Variants in C1orf141 observed in about 807,000 individuals in gnomAD.
C1orf141 encodes chromosome 1 open reading frame 141.
Under a neutral mutation model 23.2 loss-of-function variants are expected in C1orf141, and 19 were observed. The observed-to-expected ratio is 0.82, with a 90% CI of 0.57 to 1.20. The LOEUF (loss-of-function observed/expected upper bound fraction) is 1.20. Among genes scored for constraint, C1orf141 ranks in the 50% most tolerant of loss-of-function variants. C1orf141 has a pLI of 0.00. For missense variants in C1orf141, 469 were observed against 455.1 expected, an observed-to-expected ratio of 1.03 and a Z score of -0.28; for synonymous variants, 153 against 154.6, an observed-to-expected ratio of 0.99 and a Z score of 0.08.
intron 5 of C1orf141, chr1:67,103,172 C>T (rs547951682): frequency 2.2e-4 from 187 of 832,748 alleles, no homozygotes; most frequent in Admixed American, 1.5e-3. Context: ...TTTCTTAATG[C>T]TTACACACTA....
intron 5 of C1orf141, among the ~76,000 whole-genome samples, chr1:67,110,934 A>G (rs947355839): frequency 6.7e-6 from 1 of 148,768 alleles, no homozygotes; most frequent in Non-Finnish European, 1.5e-5. Flanking sequence ...TTATATATAT[A>G]TAAAATACAA....
chr1:67,137,217 AC>A (rs1487837461), upstream of C1orf141, among the ~76,000 whole-genome samples: 1 of 152,216 alleles, frequency 6.6e-6, no homozygotes, highest in East Asian at 1.9e-4. Flanking sequence ...AGAAAGACTC[AC>A]AGACCTTACT....
At chr1:67,094,970 T>A (rs1359368908) in intron 7 of C1orf141, 2 of 322,080 alleles carry the variant, frequency 6.2e-6, no homozygotes, top group Non-Finnish European at 1.1e-5. Flanking sequence ...ATTCTTTTTA[T>A]TCTACAGTTC....
rs1294153744 is a variant in C1orf141, at chr1:67,125,883, T to C, written c.102A>G (p.Arg34=). Residue 34 remains arginine, a synonymous_variant, in exon 4 of 8, where the codon AGA becomes AGG. Coordinates refer to ENST00000684719, the MANE Select transcript of C1orf141 (RefSeq NM_001276351.2). ...TCAGGGGTATAGCCATAGTTGTTTT[T>C]CTTCCTTCACTCTGAAGCCTGTTTA... The part of the protein sequence containing the change: ...TKINRLQSEG[R]KTTMAIPLTF... 2.4e-5 allele frequency: 39 copies of C among 1,613,260 alleles called. No homozygotes were observed. The highest frequency in any genetic ancestry group is 3.3e-5 in the Non-Finnish European group (39 of 1,179,868).
At chr1:67,107,421 A>G (rs1322486925) in intron 5 of C1orf141, among the ~76,000 whole-genome samples, 1 of 152,220 alleles carries the variant, frequency 6.6e-6, no homozygotes, top group Non-Finnish European at 1.5e-5. Flanking sequence ...AATAAAATAA[A>G]CATTTCAATG....
intron 4 of C1orf141, among the ~76,000 whole-genome samples, chr1:67,118,654 A>T (rs909120656): frequency 6.6e-6 from 1 of 152,170 alleles, no homozygotes; most frequent in African/African-American, 2.4e-5. Flanking sequence ...CTCTAACGTT[A>T]TGGTATTTGG....
intron 2 of C1orf141, among the ~76,000 whole-genome samples, chr1:67,129,993 T>G (rs563070022): frequency 9.8e-5 from 15 of 152,354 alleles, no homozygotes; most frequent in Non-Finnish European, 1.9e-4. Flanking sequence ...AGTCTCTATA[T>G]TTTATTTGAC....
chr1:67,095,201 A>G (rs1477134518), intron 7 of C1orf141, 34 bp downstream of exon 7: 5 of 1,235,036 alleles, frequency 4.0e-6, no homozygotes, highest in Non-Finnish European at 5.7e-6. Context: ...ATGACTACAC[A>G]TATTTACTTA....
chr1:67,103,373 C>A (rs781262494), intron 5 of C1orf141: 2 of 1,381,236 alleles, frequency 1.4e-6, no homozygotes, highest in South Asian at 1.9e-5. Flanking sequence ...AAAGGCCCTG[C>A]ATTTTCCATC....
chr1:67,100,181 AATTT>A (rs1249191507), intron 5 of C1orf141, among the ~76,000 whole-genome samples: 5 of 151,996 alleles, frequency 3.3e-5, no homozygotes, highest in African/African-American at 1.2e-4. Context: ...CCTTTTAGTC[AATTT>A]ATTTGATTTG....
upstream of C1orf141, among the ~76,000 whole-genome samples, chr1:67,135,678 C>T (rs182753143): frequency 3.3e-4 from 50 of 152,120 alleles, no homozygotes; most frequent in East Asian, 8.9e-3. Context: ...CTAAAAATGA[C>T]TGACTTGAAA....
intron 2 of C1orf141, among the ~76,000 whole-genome samples, chr1:67,127,875 T>C (rs557022583): frequency 1.1e-4 from 17 of 152,264 alleles, no homozygotes; most frequent in African/African-American, 4.1e-4. Context: ...CCTCAAGTGA[T>C]CCGCCTGTCT....
intron 4 of C1orf141, among the ~76,000 whole-genome samples, chr1:67,115,810 G>A (rs1253527422): frequency 6.6e-6 from 1 of 152,148 alleles, no homozygotes; most frequent in Non-Finnish European, 1.5e-5. Context: ...TCAAAGTGGT[G>A]GGACATAGAG....
intron 4 of C1orf141, among the ~76,000 whole-genome samples, chr1:67,118,609 G>T (rs1426552696): frequency 6.6e-6 from 1 of 152,164 alleles, no homozygotes; most frequent in African/African-American, 2.4e-5. Flanking sequence ...CTGAATGTTT[G>T]TATCCCCCTC....
At chr1:67,140,290 A>G (rs1646624571) in intron 1 of C1orf141, among the ~76,000 whole-genome samples, 1 of 151,984 alleles carries the variant, frequency 6.6e-6, no homozygotes, top group East Asian at 1.9e-4. Context: ...CTGTATGTCA[A>G]AAAAAGTCAT....
intron 5 of C1orf141, among the ~76,000 whole-genome samples, chr1:67,101,649 T>A (rs978262175): frequency 2.6e-5 from 4 of 152,134 alleles, no homozygotes; most frequent in Non-Finnish European, 4.4e-5. Context: ...TTCTTTGAGT[T>A]AGGGATAAAA....
chr1:67,112,505 T>C (rs554559764), intron 5 of C1orf141, among the ~76,000 whole-genome samples: 215 of 152,078 alleles, frequency 1.4e-3, no homozygotes, highest in African/African-American at 5.0e-3. Flanking sequence ...AGTTTGAGAC[T>C]AGCCTGGGCA....
chr1:67,107,403 T>C (rs1645953757), intron 5 of C1orf141, among the ~76,000 whole-genome samples: 1 of 152,128 alleles, frequency 6.6e-6, no homozygotes, highest in African/African-American at 2.4e-5. Flanking sequence ...CCAATTACAT[T>C]AAACATTAAT....
chr1:67,103,459 A>C (rs1412696854), intron 5 of C1orf141: 140 of 830,390 alleles, frequency 1.7e-4, no homozygotes, highest in Non-Finnish European at 1.2e-5. Flanking sequence ...TTTATGCTTG[A>C]GTATTCACAT....
Sources: allele counts gnomAD v4.1 joint callset (sites outside exome capture counted in the v4.1 genomes callset), GRCh38; gene constraint gnomAD v4.1.1; transcripts MANE v1.5; gene names NCBI Gene and HGNC (gene_info 2026-07-23, HGNC 2026-07-21).